The following CAMKMT variants were observed in gnomAD, a reference collection of about 807,000 sequenced individuals.
CAMKMT encodes CaM KMT.
CAMKMT carries 53 observed loss-of-function variants against 48.0 expected under a neutral mutation model. The ratio of observed to expected loss-of-function variants is 1.10; its 90% CI spans 0.89 to 1.39. The LOEUF is 1.39. Among genes scored for constraint, CAMKMT ranks in the 40% most tolerant of loss-of-function variants. CAMKMT has a pLI of 0.00. For missense variants in CAMKMT, 428 were observed against 402.7 expected (o/e 1.06, Z -0.54); for synonymous variants, 165 against 152.3 (o/e 1.08, Z -0.61).
At chr2:44,526,807 C>G (rs1006689330) in intron 3 of CAMKMT, among the ~76,000 whole-genome samples, 1 of 151,982 alleles carries the variant, frequency 6.6e-6, no homozygotes, top group Non-Finnish European at 1.5e-5. Flanking sequence ...TCTGGGAATC[C>G]CTTAGTTTAT....
intron 3 of CAMKMT, among the ~76,000 whole-genome samples, chr2:44,532,890 G>A (rs1666566736): frequency 6.6e-6 from 1 of 151,184 alleles, no homozygotes; most frequent in South Asian, 2.1e-4. Context: ...ACAGCTCACT[G>A]CAACCTCCGT....
chr2:44,673,655 A>G (rs1675494182), intron 3 of CAMKMT, among the ~76,000 whole-genome samples: 2 of 152,152 alleles, frequency 1.3e-5, no homozygotes, highest in South Asian at 4.2e-4. Flanking sequence ...CACTTGCTGC[A>G]AAACCTAGAA....
chr2:44,663,492 T>A (rs1674791476), intron 3 of CAMKMT, among the ~76,000 whole-genome samples: 1 of 152,264 alleles, frequency 6.6e-6, no homozygotes, highest in South Asian at 2.1e-4. Context: ...ACTATGGACA[T>A]TTCAATGTGG....
At chr2:44,513,805 A>G (rs903885611) in intron 3 of CAMKMT, among the ~76,000 whole-genome samples, 5 of 152,104 alleles carry the variant, frequency 3.3e-5, no homozygotes, top group Non-Finnish European at 5.9e-5. Context: ...AGAAAAAATT[A>G]CTAAGAAAAT....
intron 3 of CAMKMT, among the ~76,000 whole-genome samples, chr2:44,461,072 T>G (rs1667825851): frequency 6.6e-6 from 1 of 152,188 alleles, no homozygotes; most frequent in African/African-American, 2.4e-5. Flanking sequence ...GAGATTCTAC[T>G]CTGACCAAGT....
intron 2 of CAMKMT, among the ~76,000 whole-genome samples, chr2:44,373,649 G>C (rs933826112): frequency 6.6e-6 from 1 of 152,108 alleles, no homozygotes; most frequent in Non-Finnish European, 1.5e-5. Context: ...GTGAGGCTAG[G>C]AATAATTTTA....
intron 3 of CAMKMT, among the ~76,000 whole-genome samples, chr2:44,701,341 G>C (rs1239568099): frequency 6.6e-6 from 1 of 152,132 alleles, no homozygotes; most frequent in African/African-American, 2.4e-5. Flanking sequence ...TGGGTGTGAA[G>C]TGGTATCTCA....
At chr2:44,711,785 G>A (rs1558811791) in intron 6 of CAMKMT, among the ~76,000 whole-genome samples, 3 of 152,158 alleles carry the variant, frequency 2.0e-5, no homozygotes, top group Non-Finnish European at 2.9e-5. Context: ...CCCATCACAC[G>A]TGATACTCCA....
At chr2:44,599,349 A>G (rs1241766264) in intron 3 of CAMKMT, among the ~76,000 whole-genome samples, 1 of 152,124 alleles carries the variant, frequency 6.6e-6, no homozygotes, top group Non-Finnish European at 1.5e-5. Context: ...CTATTGTACA[A>G]TATTTTCTTC....
Position 44,616,361 on chromosome 2 carries a change from C to T in CAMKMT, c.377-87922C>T, listed in dbSNP as rs533455188. 9.9e-5 allele frequency among the ~76,000 whole-genome samples: 15 copies of T among 152,284 alleles called. No homozygotes were observed. The South Asian group carries it at 1.7e-3, about 17-fold the overall frequency. On this transcript the variant is annotated intron_variant, in intron 3 of 10. Transcript: ENST00000378494. ...GACCTTTAAAAATTGCATTTATCTG[C>T]CAAGCAATTGTTCCCCATGGAAGAA...
At chr2:44,556,450 CTTTTTTTT>C (rs1176467214) in intron 3 of CAMKMT, among the ~76,000 whole-genome samples, 5 of 50,232 alleles carry the variant, frequency 1.0e-4, no homozygotes, top group Non-Finnish European at 1.8e-4. Context: ...ATTTTTCTTT[CTTTTTTTT>C]TTTTTTTTTT....
At chr2:44,627,697 CTTTTTT>C (rs1174344846) in intron 3 of CAMKMT, among the ~76,000 whole-genome samples, 34 of 75,090 alleles carry the variant, frequency 4.5e-4, no homozygotes, top group Non-Finnish European at 3.8e-4. Context: ...CCATTTTATC[CTTTTTT>C]TTTTTTTTTT....
intron 3 of CAMKMT, among the ~76,000 whole-genome samples, chr2:44,562,417 ATATAAG>A (rs1260419061): frequency 6.6e-6 from 1 of 152,228 alleles, no homozygotes; most frequent in Non-Finnish European, 1.5e-5. Flanking sequence ...TATATGCCGA[ATATAAG>A]TATTAACTCA....
chr2:44,363,744 C>T (rs1393802584), intron 1 of CAMKMT, among the ~76,000 whole-genome samples: 1 of 146,598 alleles, frequency 6.8e-6, no homozygotes, highest in Non-Finnish European at 1.5e-5. Flanking sequence ...GACGTGAGTG[C>T]AATGGCGCAA....
chr2:44,634,898 A>T (rs1327282124), intron 3 of CAMKMT, among the ~76,000 whole-genome samples: 1 of 151,554 alleles, frequency 6.6e-6, no homozygotes, highest in Non-Finnish European at 1.5e-5. Flanking sequence ...TTCATTAATT[A>T]ATCATTCATT....
chr2:44,770,429 A>T (rs1681055432), intron 10 of CAMKMT, among the ~76,000 whole-genome samples: 2 of 152,242 alleles, frequency 1.3e-5, no homozygotes, highest in Admixed American at 1.3e-4. Flanking sequence ...ATATTTACAG[A>T]AGAATTATTT....
At chr2:44,556,675 T>A (rs1456429485) in intron 3 of CAMKMT, among the ~76,000 whole-genome samples, 1 of 64,996 alleles carries the variant, frequency 1.5e-5, no homozygotes, top group Admixed American at 1.4e-4. Flanking sequence ...TTCACCTTGT[T>A]AGCCAGGATG....
At chr2:44,584,433 G>C (rs1669737082) in intron 3 of CAMKMT, among the ~76,000 whole-genome samples, 1 of 152,064 alleles carries the variant, frequency 6.6e-6, no homozygotes. Context: ...ATCCCCAAAT[G>C]AGCTATAAAG....
At chr2:44,692,751 C>CA (rs1256814548) in intron 3 of CAMKMT, among the ~76,000 whole-genome samples, 1 of 152,176 alleles carries the variant, frequency 6.6e-6, no homozygotes, top group African/African-American at 2.4e-5. Context: ...GAAGACCCCC[C>CA]AGACATAATC....
Sources: gnomAD v4.1 joint callset for allele counts (sites outside exome capture counted in the v4.1 genomes callset) on GRCh38, gnomAD v4.1.1 for gene constraint, MANE v1.5 for transcripts, NCBI Gene and HGNC (gene_info 2026-07-23, HGNC 2026-07-21) for gene names.